The following PCDHAC1 variants were observed in gnomAD, a reference collection of about 807,000 sequenced individuals.
PCDHAC1 encodes the protein protocadherin alpha subfamily C, 1, also known as protocadherin alpha-C1.
In PCDHAC1, 42 loss-of-function variants were observed where a neutral mutation model predicts 60.0. The ratio of observed to expected loss-of-function variants is 0.70; its 90% confidence interval spans 0.55 to 0.90. The LOEUF (loss-of-function observed/expected upper bound fraction) is 0.90. Among genes scored for constraint, PCDHAC1 ranks in the 40% least tolerant of loss-of-function variants. PCDHAC1 has a pLI of 0.00. For missense variants in PCDHAC1, 1,160 were observed against 1,222.3 expected, an observed-to-expected ratio of 0.95 and a Z score of 0.76; for synonymous variants, 468 against 499.3, an observed-to-expected ratio of 0.94 and a Z score of 0.84.
chr5:140,955,647 T>G (rs1395732517), intron 1 of PCDHAC1, among the ~76,000 whole-genome samples: 1 of 152,116 alleles, frequency 6.6e-6, no homozygotes, highest in Non-Finnish European at 1.5e-5. Context: ...AACAAATTAA[T>G]ACACATATGA....
intron 1 of PCDHAC1, among the ~76,000 whole-genome samples, chr5:140,974,864 C>T (rs949061887): frequency 6.6e-6 from 1 of 152,124 alleles, no homozygotes; most frequent in Non-Finnish European, 1.5e-5. Flanking sequence ...TGCCTTAATG[C>T]GGAACAGTCT....
intron 1 of PCDHAC1, among the ~76,000 whole-genome samples, chr5:140,953,811 A>T (rs782282216): frequency 3.3e-5 from 5 of 152,074 alleles, no homozygotes; most frequent in Non-Finnish European, 5.9e-5. Context: ...TCTGAGGTGC[A>T]TGTGCTAGTT....
chr5:140,952,471 A>AAAGT (rs1205705150), intron 1 of PCDHAC1, among the ~76,000 whole-genome samples: 2 of 152,204 alleles, frequency 1.3e-5, no homozygotes, highest in Non-Finnish European at 2.9e-5. Context: ...AAGCATAAGG[A>AAAGT]AAGTGACATT....
In PCDHAC1 at chr5:140,927,621, A is replaced by G. The variant is rs141117468; in HGVS notation, c.729A>G (p.Pro243=). Residue 243 remains proline, a synonymous_variant, in exon 1 of 4, where the codon CCA becomes CCG. Transcript: ENST00000253807. Reference sequence around the variant, plus strand: ...GCTCCGTATACCGCACCAAGGTTCCAGAGACTGCACCCAATGGGACTGTGT... The same window carrying G: ...GCTCCGTATACCGCACCAAGGTTCCGGAGACTGCACCCAATGGGACTGTGT... ...FERSVYRTKV[P]ETAPNGTVLF... is the part of the protein sequence containing the mutation. 1.5e-5 allele frequency: 25 copies of G among 1,614,198 alleles called. No homozygotes were observed. Among genetic ancestry groups the G allele is most frequent in the Middle Eastern group, 3.3e-4 (2 of 6,062 alleles).
intron 3 of PCDHAC1, among the ~76,000 whole-genome samples, chr5:141,000,251 G>C (rs2097898188): frequency 6.6e-6 from 1 of 151,264 alleles, no homozygotes; most frequent in Non-Finnish European, 1.5e-5. Context: ...GCTGACACCT[G>C]TGATCCTAGC....
Position 140,929,285 on chromosome 5 carries a change from T to C in PCDHAC1, c.2393T>C (p.Ile798Thr). 9.4e-6 allele frequency: 15 copies of C among 1,600,688 alleles called. No homozygotes were observed. The highest frequency in any genetic ancestry group is 1.3e-5 in the Non-Finnish European group (15 of 1,170,702). Residue 798 changes from isoleucine (I) to threonine (T), a missense_variant, in exon 1 of 4, where the codon ATT becomes ACT. Transcript: ENST00000253807. ...AATTTGCCAATATCCTGTATTCAGA[T>C]TCGGAATAGGAAAGGGGATCACGCT... ...GLNLPISCIQ[I>T]RNRKGDHANV...
chr5:140,937,644 G>A (rs1554211697), intron 1 of PCDHAC1, among the ~76,000 whole-genome samples: 1 of 151,048 alleles, frequency 6.6e-6, no homozygotes, highest in African/African-American at 2.4e-5. Flanking sequence ...AGGGCATGGT[G>A]GCTCACGCCT....
At chr5:140,984,228 G>A (rs374551349) in intron 3 of PCDHAC1, among the ~76,000 whole-genome samples, 180 of 152,262 alleles carry the variant, frequency 1.2e-3, no homozygotes, top group African/African-American at 4.0e-3. Context: ...TTGCTCTTAT[G>A]GAGGCATTGT....
At chr5:140,948,371 T>G (rs1310252601) in intron 1 of PCDHAC1, among the ~76,000 whole-genome samples, 1 of 151,586 alleles carries the variant, frequency 6.6e-6, no homozygotes, top group Non-Finnish European at 1.5e-5. Flanking sequence ...TTAGGAGGTG[T>G]TCCTTCCTCT....
chr5:141,000,136 G>A (rs2097893947), intron 3 of PCDHAC1, among the ~76,000 whole-genome samples: 2 of 152,034 alleles, frequency 1.3e-5, no homozygotes, highest in South Asian at 4.1e-4. Flanking sequence ...TTCACAAGAA[G>A]TAAACAAAAC....
At position 140,926,704 on chromosome 5, in the gene PCDHAC1, T is replaced by C. The variant is rs1481559865; in HGVS notation, c.-189T>C. ...CAGCCTAGCAAGCCCGGCTCCCAGCTGGCCAGCCCCGGCAATGCCGGCGTT... is the reference window on the plus strand; with the variant it reads ...CAGCCTAGCAAGCCCGGCTCCCAGCCGGCCAGCCCCGGCAATGCCGGCGTT... On this transcript the variant is annotated 5_prime_UTR_variant, in exon 1 of 4. Coordinates refer to ENST00000253807, the MANE Select transcript of PCDHAC1 (RefSeq NM_018898.5). 7 of 842,670 alleles carry C rather than the reference T, an allele frequency of 8.3e-6. No individual in the cohort carries two copies. Among genetic ancestry groups the C allele is most frequent in the Non-Finnish European group, 1.2e-5 (7 of 598,056 alleles). 52.2% of individuals were successfully genotyped at this position (842,670 alleles called of 1,614,324 possible).
chr5:140,967,433 C>A, intron 1 of PCDHAC1: 1 of 1,613,500 alleles, frequency 6.2e-7, no homozygotes, highest in Non-Finnish European at 8.5e-7. Context: ...GGCAGCCTTG[C>A]ACCACCTGGT....
At chr5:140,957,134 T>C (rs2095335911) in intron 1 of PCDHAC1, among the ~76,000 whole-genome samples, 1 of 152,210 alleles carries the variant, frequency 6.6e-6, no homozygotes, top group Admixed American at 6.5e-5. Flanking sequence ...TACTACACTA[T>C]GAACTAAAAA....
intron 3 of PCDHAC1, among the ~76,000 whole-genome samples, chr5:141,000,216 T>C (rs665221): frequency 1.3e-5 from 2 of 151,640 alleles, no homozygotes; most frequent in East Asian, 1.9e-4. Flanking sequence ...CATTATCAAA[T>C]GCCTGTGTGG....
At chr5:140,960,629 A>C (rs1370416431) in intron 1 of PCDHAC1, among the ~76,000 whole-genome samples, 1 of 152,192 alleles carries the variant, frequency 6.6e-6, no homozygotes, top group Admixed American at 6.5e-5. Flanking sequence ...TTTGAAATAT[A>C]TTTTTAAAAC....
rs782352775 is a variant in PCDHAC1 at position 140,927,099 on chromosome 5, T to C, written c.207T>C (p.Asp69=). 1 of 1,613,434 alleles carries C rather than the reference T, an allele frequency of 6.2e-7. No individual in the cohort carries two copies. The highest frequency in any genetic ancestry group is 8.5e-7 in the Non-Finnish European group (1 of 1,179,568). ...ACCGCGAGCTCTACTTCGGGGTGGA[T>C]CTACCCAGCGGCAATTTGGTGGTCA... ...SSHRELYFGV[D]LPSGNLVVRE... is the part of the protein sequence containing the mutation. Residue 69 remains aspartate (D), a synonymous_variant, in exon 1 of 4, where the codon GAT becomes GAC. Transcript: ENST00000253807.
intron 1 of PCDHAC1, among the ~76,000 whole-genome samples, chr5:140,961,545 C>A (rs1486984950): frequency 6.6e-6 from 1 of 152,146 alleles, no homozygotes; most frequent in Non-Finnish European, 1.5e-5. Flanking sequence ...GTTCCTGCAG[C>A]ATTTCTTTTT....
At position 141,011,407 on chromosome 5, in the gene PCDHAC1, G is replaced by A. The variant is rs782613069; in HGVS notation, c.*1470G>A. On this transcript the variant is annotated 3_prime_UTR_variant, in exon 4 of 4. Coordinates refer to ENST00000253807, the MANE Select transcript of PCDHAC1 (RefSeq NM_018898.5). ...TGAAATATACTTACTCTGTGCTTGT[G>A]TATGTGAATGTTAATGCAACTATTA... is the stretch of plus-strand genomic sequence containing the variant. The A allele has an allele frequency of 2.0e-5, 3 of 153,718 alleles. No individual in the cohort carries two copies. The highest frequency in any genetic ancestry group is 6.5e-5 in the Admixed American group (1 of 15,284). The allele number at this position is 153,718 out of a possible 1,614,324, so 9.5% of individuals were successfully genotyped here.
At chr5:140,941,797 A>G (rs1425454318) in intron 1 of PCDHAC1, among the ~76,000 whole-genome samples, 1 of 152,224 alleles carries the variant, frequency 6.6e-6, no homozygotes, top group African/African-American at 2.4e-5. Flanking sequence ...AAGAATATTT[A>G]GTTGATTTCA....
Sources: allele counts gnomAD v4.1 joint callset (sites outside exome capture counted in the v4.1 genomes callset), GRCh38; gene constraint gnomAD v4.1.1; transcripts MANE v1.5; gene names NCBI Gene and HGNC (gene_info 2026-07-23, HGNC 2026-07-21).